The following LRP1B variants were observed in gnomAD, a reference collection of about 807,000 sequenced individuals.
LRP1B encodes LDL receptor related protein 1B.
In LRP1B, 217 loss-of-function variants were observed where a neutral mutation model predicts 556.6. The ratio of observed to expected loss-of-function variants is 0.39; its 90% confidence interval spans 0.35 to 0.44. LRP1B has a LOEUF of 0.44. LRP1B is among the 20% of genes least tolerant of loss of function. The probability of loss-of-function intolerance (pLI) is 1.00; values close to 1 mark genes in which losing one functional copy is unlikely to be tolerated. For missense variants in LRP1B, 5,053 were observed against 5,620.8 expected, an observed-to-expected ratio of 0.90 and a Z score of 3.23; for synonymous variants, 2,047 against 1,865.8, an observed-to-expected ratio of 1.10 and a Z score of -2.50.
chr2:141,382,422 C>G (rs1689676325), intron 3 of LRP1B, among the ~76,000 whole-genome samples: 1 of 152,216 alleles, frequency 6.6e-6, no homozygotes, highest in African/African-American at 2.4e-5. Context: ...CAGAGACTTA[C>G]TAGAAGATAT....
At chr2:142,116,671 T>G (rs1707287315) in intron 1 of LRP1B, among the ~76,000 whole-genome samples, 1 of 152,194 alleles carries the variant, frequency 6.6e-6, no homozygotes, top group Non-Finnish European at 1.5e-5. Context: ...TCTGGGGAAT[T>G]GGTTGAAGGG....
rs368147771 is a variant in LRP1B at position 140,658,265 on chromosome 2, A to G, written c.6799+41985T>C. On this transcript the variant is annotated intron_variant, in intron 41 of 90. Coordinates refer to ENST00000389484, the MANE Select transcript of LRP1B (RefSeq NM_018557.3). ...AATATGGTCTTTTCACATTGATAAT[A>G]TAAAAACAAATTAATGGCCAGTAAA... is the stretch of plus-strand genomic sequence containing the variant. Among the ~76,000 whole-genome samples the G allele has an allele frequency of 1.2e-4, 19 of 152,184 alleles. No homozygotes were observed. The East Asian group carries it at 2.3e-3, about 19-fold the overall frequency.
Position 140,238,269 on chromosome 2 carries a change from A to G in LRP1B, c.13443T>C (p.Ile4481=), listed in dbSNP as rs773803360. ...TTTCTACATTTATTCCTCCATTGAT[A>G]ATAGGTTGTCTTCTAATTGTTTTTG... The part of the protein sequence containing the change: ...RRTKTIRRQP[I]INGGINVEIG... Residue 4481 remains isoleucine (I), a synonymous_variant, in exon 89 of 91, where the codon ATT becomes ATC. Coordinates refer to ENST00000389484, the MANE Select transcript of LRP1B (RefSeq NM_018557.3). 25 of 1,555,734 alleles carry G rather than the reference A, an allele frequency of 1.6e-5. No homozygotes were observed. In the East Asian group the frequency reaches 5.7e-4, roughly 35 times the overall value.
chr2:140,527,107 A>T (rs1690471281), intron 47 of LRP1B, among the ~76,000 whole-genome samples: 1 of 151,990 alleles, frequency 6.6e-6, no homozygotes, highest in Non-Finnish European at 1.5e-5. Context: ...TTAAATGAAA[A>T]TTAGATTCAA....
chr2:141,398,687 T>C (rs745568274), intron 3 of LRP1B, among the ~76,000 whole-genome samples: 1 of 152,158 alleles, frequency 6.6e-6, no homozygotes, highest in Non-Finnish European at 1.5e-5. Context: ...CTAAATACCA[T>C]ATGGTTTCTT....
At chr2:141,144,557 C>T (rs960423783) in intron 7 of LRP1B, among the ~76,000 whole-genome samples, 1 of 152,112 alleles carries the variant, frequency 6.6e-6, no homozygotes, top group African/African-American at 2.4e-5. Flanking sequence ...AGTTAAAAAT[C>T]TACTACTTCT....
At chr2:142,023,665 A>T (rs1559028533) in intron 1 of LRP1B, among the ~76,000 whole-genome samples, 1 of 152,224 alleles carries the variant, frequency 6.6e-6, no homozygotes, top group Non-Finnish European at 1.5e-5. Flanking sequence ...TAAGATTTCT[A>T]GACACAAAAT....
intron 6 of LRP1B, among the ~76,000 whole-genome samples, chr2:141,200,245 C>G (rs541540196): frequency 6.6e-6 from 1 of 151,120 alleles, no homozygotes; most frequent in South Asian, 2.1e-4. Flanking sequence ...TATGTAGCCA[C>G]AAAAAAACAA....
chr2:140,803,917 C>T (rs1454645800), intron 32 of LRP1B, among the ~76,000 whole-genome samples: 1 of 70,660 alleles, frequency 1.4e-5, no homozygotes, highest in Non-Finnish European at 2.5e-5. Flanking sequence ...ATGACAAAAG[C>T]AATGGAGAGC....
rs2104938676 is a variant in LRP1B at position 140,770,861 on chromosome 2, G to A, written c.5626+20C>T. 1.3e-6 allele frequency: 2 copies of A among 1,528,088 alleles called. No homozygotes were observed. The highest frequency in any genetic ancestry group is 1.7e-6 in the Non-Finnish European group (2 of 1,145,146). The allele number at this position is 1,528,088 out of a possible 1,614,324, so 94.7% of individuals were successfully genotyped here. ...AGTGAAGTAAATGAACCAGAGGTAA[G>A]GTTTTTCATGAACTCATACCTTGAC... On this transcript the variant is annotated intron_variant, in intron 34 of 90. Transcript: ENST00000389484.
intron 1 of LRP1B, among the ~76,000 whole-genome samples, chr2:142,082,543 A>G (rs1047380837): frequency 4.6e-5 from 7 of 152,314 alleles, no homozygotes; most frequent in Non-Finnish European, 7.3e-5. Context: ...AAAGAAGGCC[A>G]GTGCTGCTGA....
At chr2:142,111,998 C>A (rs148314326) in intron 1 of LRP1B, among the ~76,000 whole-genome samples, 1 of 151,982 alleles carries the variant, frequency 6.6e-6, no homozygotes, top group Non-Finnish European at 1.5e-5. Flanking sequence ...CAATGATACA[C>A]CATATTGCCA....
chr2:141,196,092 T>G (rs1336869944), intron 6 of LRP1B, among the ~76,000 whole-genome samples: 2 of 152,064 alleles, frequency 1.3e-5, no homozygotes, highest in Admixed American at 6.6e-5. Context: ...ATATGTAAAC[T>G]ATGGTCAGGG....
intron 1 of LRP1B, among the ~76,000 whole-genome samples, chr2:141,938,079 C>T (rs986785067): frequency 6.6e-6 from 1 of 151,778 alleles, no homozygotes; most frequent in African/African-American, 2.4e-5. Context: ...AGTACCATAC[C>T]CTTTTGATTA....
intron 2 of LRP1B, among the ~76,000 whole-genome samples, chr2:141,491,159 T>A (rs948354987): frequency 1.1e-4 from 16 of 152,116 alleles, no homozygotes; most frequent in Admixed American, 2.0e-4. Context: ...ATTTCTTGGG[T>A]GGCAATTTGC....
chr2:140,654,484 T>C (rs1684805931), intron 41 of LRP1B, among the ~76,000 whole-genome samples: 1 of 152,186 alleles, frequency 6.6e-6, no homozygotes. Flanking sequence ...AATTTGAAGA[T>C]TGATCAAAGT....
chr2:141,726,520 A>G (rs1320953071), intron 2 of LRP1B, among the ~76,000 whole-genome samples: 1 of 152,024 alleles, frequency 6.6e-6, no homozygotes, highest in Non-Finnish European at 1.5e-5. Context: ...AATTGGGGTA[A>G]CATGTGAAGC....
chr2:141,911,859 T>A (rs1036610563), intron 1 of LRP1B, among the ~76,000 whole-genome samples: 1 of 147,472 alleles, frequency 6.8e-6, no homozygotes, highest in East Asian at 2.0e-4. Flanking sequence ...GAGTCTCAAA[T>A]AAAATTTGTA....
chr2:140,683,628 TC>T, intron 41 of LRP1B: 1 of 696,684 alleles, frequency 1.4e-6, no homozygotes. Flanking sequence ...TTCTCTCAGC[TC>T]CCAGGTATTC....
Sources: allele counts gnomAD v4.1 joint callset (sites outside exome capture counted in the v4.1 genomes callset), GRCh38; gene constraint gnomAD v4.1.1; transcripts MANE v1.5; gene names NCBI Gene and HGNC (gene_info 2026-07-23, HGNC 2026-07-21).